Variants in SLC12A6 observed in about 807,000 individuals in gnomAD.
SLC12A6 encodes K-Cl cotransporter 3.
Under a neutral mutation model 135.3 loss-of-function variants are expected in SLC12A6, and 66 were observed. That is an observed-to-expected ratio of 0.49 (90% CI 0.40 to 0.60). The LOEUF (loss-of-function observed/expected upper bound fraction) is 0.60, where lower values mean the gene tolerates loss of function less well. SLC12A6 is among the 20% of genes least tolerant of loss of function. The probability of loss-of-function intolerance (pLI) is 0.00; values close to 1 mark genes in which losing one functional copy is unlikely to be tolerated. For missense variants in SLC12A6, 1,058 were observed against 1,452.3 expected, an observed-to-expected ratio of 0.73 and a Z score of 4.41; for synonymous variants, 513 against 508.8, an observed-to-expected ratio of 1.01 and a Z score of -0.11.
rs367828691 is a variant in SLC12A6 at position 34,250,288 on chromosome 15, C to T, written c.1649+10G>A. On this transcript the variant is annotated intron_variant, in intron 13 of 25. Coordinates refer to ENST00000354181, the MANE Select transcript of SLC12A6 (RefSeq NM_001365088.1). ...CACACATAATTGTTACAAAGAAATTCATTACTCACTTGTCTCTGAGAACAA... is the reference window on the plus strand; with the variant it reads ...CACACATAATTGTTACAAAGAAATTTATTACTCACTTGTCTCTGAGAACAA... 54 of 1,444,300 alleles carry T rather than the reference C, an allele frequency of 3.7e-5. No individual in the cohort carries two copies. In the African/African-American group the frequency reaches 7.1e-4, roughly 19 times the overall value. The allele number at this position is 1,444,300 out of a possible 1,614,324, so 89.5% of individuals were successfully genotyped here.
chr15:34,251,010 G>A lies in SLC12A6; in HGVS notation c.1381C>T (p.Pro461Ser). Residue 461 changes from proline to serine, a missense_variant, in exon 11 of 26, where the codon CCT becomes TCT. Physicochemically the swap from Pro to Ser is moderately conservative, Grantham distance 74 (BLOSUM62 -1). Transcript: ENST00000354181. ...YLPKGEIIEK[P>S]SAKSSDVLGS... is the part of the protein sequence containing the mutation. ...AAGACATCAGAAGATTTGGCTGAAG[G>A]CTTTTCGATGATCTCTCCCTTGGGT... 1.2e-6 allele frequency: 2 copies of A among 1,611,280 alleles called. No homozygotes were observed. The highest frequency in any genetic ancestry group is 1.7e-6 in the Non-Finnish European group (2 of 1,177,608).
chr15:34,255,974 A>T (rs1156302598), intron 7 of SLC12A6, among the ~76,000 whole-genome samples: 2 of 152,082 alleles, frequency 1.3e-5, no homozygotes, highest in African/African-American at 2.4e-5. Flanking sequence ...TCTATAAAAA[A>T]ATATATATTC....
At chr15:34,284,828 T>C (rs577702678) in intron 2 of SLC12A6, among the ~76,000 whole-genome samples, 2 of 152,198 alleles carry the variant, frequency 1.3e-5, no homozygotes, top group Non-Finnish European at 2.9e-5. Context: ...CACACTTAGA[T>C]ACTCAGTCTG....
At chr15:34,236,569 C>T in intron 23 of SLC12A6, 139 bp downstream of exon 23, 1 of 694,144 alleles carries the variant, frequency 1.4e-6, no homozygotes, top group East Asian at 2.9e-5. Flanking sequence ...GTCTTGAACT[C>T]CTGACCTCTT....
rs1408124765 is a variant in SLC12A6 at position 34,254,640 on chromosome 15, T to G, written c.877-51A>C. The G allele has an allele frequency of 5.1e-6, 7 of 1,384,680 alleles. No individual in the cohort carries two copies. The African/African-American group carries it at 8.5e-5, about 17-fold the overall frequency. 85.8% of individuals were successfully genotyped at this position (1,384,680 alleles called of 1,614,324 possible). On this transcript the variant is annotated intron_variant, in intron 8 of 25. Coordinates refer to ENST00000354181, the MANE Select transcript of SLC12A6 (RefSeq NM_001365088.1). The stretch of plus-strand genomic sequence containing the variant: ...ATTAGGTTATTTCAAAATAATTAAG[T>G]AAAAAGGCTGTATTCGTTTGCATTT...
chr15:34,322,973 T>C, intron 2 of SLC12A6, among the ~76,000 whole-genome samples: 1 of 83,426 alleles, frequency 1.2e-5, no homozygotes, highest in Admixed American at 1.6e-4. Flanking sequence ...AGTGAAACTC[T>C]GTCTCAAAAA....
At chr15:34,308,963 T>C (rs1887959497) in intron 2 of SLC12A6, among the ~76,000 whole-genome samples, 1 of 152,178 alleles carries the variant, frequency 6.6e-6, no homozygotes, top group African/African-American at 2.4e-5. Flanking sequence ...AGCCCTTATT[T>C]TGAATTCCAA....
intron 2 of SLC12A6, among the ~76,000 whole-genome samples, chr15:34,308,270 T>A (rs1887874674): frequency 6.6e-6 from 1 of 152,126 alleles, no homozygotes; most frequent in South Asian, 2.1e-4. Flanking sequence ...AGTCTCTTAT[T>A]TCTATCTCGC....
intron 2 of SLC12A6, among the ~76,000 whole-genome samples, chr15:34,287,143 C>G (rs1217465323): frequency 6.6e-6 from 1 of 151,894 alleles, no homozygotes; most frequent in Admixed American, 6.6e-5. Context: ...CCCTTCCCTA[C>G]CCCCCCGGGC....
chr15:34,247,424 G>T (rs1425197074), intron 13 of SLC12A6, among the ~76,000 whole-genome samples: 1 of 152,054 alleles, frequency 6.6e-6, no homozygotes, highest in Non-Finnish European at 1.5e-5. Flanking sequence ...GGCTGAGGCA[G>T]GAGAATGGCG....
chr15:34,285,455 T>C (rs974757017), intron 2 of SLC12A6, among the ~76,000 whole-genome samples: 1 of 150,898 alleles, frequency 6.6e-6, no homozygotes, highest in African/African-American at 2.4e-5. Flanking sequence ...CTTTACTGAG[T>C]TGGAGACTGA....
chr15:34,266,817 T>G (rs1209797525), intron 3 of SLC12A6, among the ~76,000 whole-genome samples: 3 of 152,240 alleles, frequency 2.0e-5, no homozygotes, highest in Non-Finnish European at 4.4e-5. Flanking sequence ...ATTGGCATTT[T>G]AAACAACACA....
intron 2 of SLC12A6, among the ~76,000 whole-genome samples, chr15:34,331,829 G>T (rs1889871250): frequency 6.6e-6 from 1 of 152,076 alleles, no homozygotes; most frequent in Admixed American, 6.6e-5. Flanking sequence ...CTTAAAGAAA[G>T]GACTTATCTA....
intron 24 of SLC12A6, 110 bp downstream of exon 24, chr15:34,235,905 G>C: frequency 1.2e-6 from 1 of 859,882 alleles, no homozygotes. Flanking sequence ...TAATGAGGTG[G>C]CTAGATTCAG....
chr15:34,324,475 T>TA (rs1395583664), intron 2 of SLC12A6, among the ~76,000 whole-genome samples: 6 of 152,194 alleles, frequency 3.9e-5, no homozygotes, highest in Non-Finnish European at 8.8e-5. Context: ...TTATACCTGC[T>TA]AAAAATAGTT....
intron 6 of SLC12A6, among the ~76,000 whole-genome samples, chr15:34,257,240 A>G (rs1055216403): frequency 6.6e-6 from 1 of 152,194 alleles, no homozygotes; most frequent in African/African-American, 2.4e-5. Flanking sequence ...CCAAATAAAA[A>G]AACCAAATAC....
At chr15:34,329,983 T>C (rs1474828443) in intron 2 of SLC12A6, among the ~76,000 whole-genome samples, 2 of 152,192 alleles carry the variant, frequency 1.3e-5, no homozygotes, top group Non-Finnish European at 2.9e-5. Flanking sequence ...TGTAAATACT[T>C]CAATATATAT....
At chr15:34,239,182 A>G (rs751824643) in intron 19 of SLC12A6, 22 bp from the exon 20 acceptor site, 4 of 1,538,814 alleles carry the variant, frequency 2.6e-6, no homozygotes, top group Admixed American at 1.7e-5. Context: ...ACAGGACCGC[A>G]ACACTGAACT....
At chr15:34,333,427 C>T (rs553218241) in intron 2 of SLC12A6, among the ~76,000 whole-genome samples, 7 of 151,914 alleles carry the variant, frequency 4.6e-5, no homozygotes, top group Non-Finnish European at 1.0e-4. Flanking sequence ...GACAGGGTTT[C>T]ACCGTGTTCC....
Sources: allele counts gnomAD v4.1 joint callset (sites outside exome capture counted in the v4.1 genomes callset), GRCh38; gene constraint gnomAD v4.1.1; transcripts MANE v1.5; gene names NCBI Gene and HGNC (gene_info 2026-07-23, HGNC 2026-07-21).